Variants in ZNF684 observed in about 807,000 individuals in gnomAD.
The protein encoded by ZNF684 is zinc finger protein 684, also known as hypothetical protein MGC27466.
In ZNF684, 13 loss-of-function variants were observed where a neutral mutation model predicts 12.8. That is an observed-to-expected ratio of 1.02 (90% confidence interval 0.66 to 1.62). The LOEUF (loss-of-function observed/expected upper bound fraction) is 1.62, where lower values mean the gene tolerates loss of function less well. Ranked by LOEUF, ZNF684 falls within the 40% of genes most tolerant of loss-of-function variation. The pLI is 0.00. For missense variants in ZNF684, 384 were observed against 446.9 expected, an observed-to-expected ratio of 0.86 and a Z score of 1.27; for synonymous variants, 118 against 151.8, an observed-to-expected ratio of 0.78 and a Z score of 1.64.
rs568760107 is a variant in ZNF684, at chr1:40,546,226, C to T, written c.239-336C>T. 5.3e-5 allele frequency among the ~76,000 whole-genome samples: 8 copies of T among 152,244 alleles called. No homozygotes were observed. In the South Asian group the frequency reaches 1.0e-3, roughly 20 times the overall value. ...GTGAGCCGCCATGCCTGGCCTATCT[C>T]CTGTGTGTTTGGTTGTCCTATCCAT... On this transcript the variant is annotated intron_variant, in intron 4 of 4. Transcript: ENST00000372699.
At chr1:40,543,655 A>G (rs182550305) in intron 4 of ZNF684, among the ~76,000 whole-genome samples, 177 of 152,010 alleles carry the variant, frequency 1.2e-3, no homozygotes, top group African/African-American at 3.9e-3. Flanking sequence ...ACGGGGTTTC[A>G]CCACGTTAGC....
At chr1:40,534,071 G>T (rs1379949638) in intron 2 of ZNF684, among the ~76,000 whole-genome samples, 2 of 151,360 alleles carry the variant, frequency 1.3e-5, no homozygotes, top group African/African-American at 4.9e-5. Context: ...TGATCTGCCT[G>T]CCTCAGCCTT....
In ZNF684 at chr1:40,547,003, A is replaced by G. The variant is rs1646052655; in HGVS notation, c.680A>G (p.Lys227Arg). ...CNDCGKAFMH[K>R]AQLVVHQRLH... is the part of the protein sequence containing the mutation. ...GATTGTGGGAAGGCGTTTATGCATA[A>G]AGCCCAACTCGTGGTCCACCAGAGA... Residue 227 changes from lysine (K) to arginine (R), a missense_variant, in exon 5 of 5, where the codon AAA becomes AGA. Transcript: ENST00000372699. 1.1e-5 allele frequency: 17 copies of G among 1,613,964 alleles called. No homozygotes were observed. Among genetic ancestry groups the G allele is most frequent in the Non-Finnish European group, 1.4e-5 (16 of 1,179,962 alleles).
chr1:40,541,555 G>A (rs2124510425), intron 3 of ZNF684, 60 bp from the exon 4 acceptor site: 2 of 1,387,336 alleles, frequency 1.4e-6, no homozygotes, highest in South Asian at 1.2e-5. Flanking sequence ...AACCCAAGTT[G>A]TGAGCTGGTT....
At chr1:40,544,290 T>C (rs1274066816) in intron 4 of ZNF684, 1 of 307,838 alleles carries the variant, frequency 3.2e-6, no homozygotes, top group Non-Finnish European at 6.5e-6. Flanking sequence ...AACATGTTCA[T>C]ATTAAAATAT....
At chr1:40,538,796 G>C (rs112950915) in intron 2 of ZNF684, among the ~76,000 whole-genome samples, 68 of 149,874 alleles carry the variant, frequency 4.5e-4, no homozygotes, top group African/African-American at 1.6e-3. Flanking sequence ...GCACTCCAGC[G>C]TGGGTGACAG....
chr1:40,536,395 CAA>C (rs1166958237), intron 2 of ZNF684, among the ~76,000 whole-genome samples: 17 of 52,002 alleles, frequency 3.3e-4, no homozygotes, highest in Admixed American at 5.9e-4. Context: ...CTCCGTCTCA[CAA>C]AAAAAAAAAA....
At chr1:40,535,965 A>G (rs1466680204) in intron 2 of ZNF684, among the ~76,000 whole-genome samples, 2 of 152,250 alleles carry the variant, frequency 1.3e-5, no homozygotes, top group Non-Finnish European at 2.9e-5. Context: ...AGGCCAGTCC[A>G]TGGGTTACAG....
At chr1:40,541,494 T>C in intron 3 of ZNF684, 121 bp from the exon 4 acceptor site, 1 of 736,854 alleles carries the variant, frequency 1.4e-6, no homozygotes, top group Non-Finnish European at 2.3e-6. Flanking sequence ...GGGTCTGTTC[T>C]GTTTTAAAGG....
In ZNF684 at chr1:40,548,031, C is replaced by T. The variant is rs1646059184; in HGVS notation, c.*571C>T. On this transcript the variant is annotated 3_prime_UTR_variant, in exon 5 of 5. Coordinates refer to ENST00000372699, the MANE Select transcript of ZNF684 (RefSeq NM_152373.4). ...ATTAAAATTAATATAAAGATATTTT[C>T]CTATGTATGTAAATACCAGAACAAA... The T allele has an allele frequency of 6.6e-6, 1 of 152,032 alleles. No homozygotes were observed. The highest frequency in any genetic ancestry group is 1.5e-5 in the Non-Finnish European group (1 of 68,038). The allele number at this position is 152,032 out of a possible 1,614,324, so 9.4% of individuals were successfully genotyped here.
At chr1:40,541,192 G>GTT (rs372463471) in intron 3 of ZNF684, 34 of 139,888 alleles carry the variant, frequency 2.4e-4, no homozygotes, top group Admixed American at 6.4e-4. Flanking sequence ...GGTCTGTTCT[G>GTT]TTTTTTTTTT....
chr1:40,533,749 C>A (rs913069978), intron 2 of ZNF684, among the ~76,000 whole-genome samples: 1 of 151,820 alleles, frequency 6.6e-6, no homozygotes, highest in Non-Finnish European at 1.5e-5. Context: ...TGAGCATTTA[C>A]TCTTCTACAT....
chr1:40,538,996 G>A (rs1458001482), intron 2 of ZNF684, among the ~76,000 whole-genome samples: 1 of 152,002 alleles, frequency 6.6e-6, no homozygotes, highest in Non-Finnish European at 1.5e-5. Context: ...AGAGCAGTCT[G>A]GGCAATGTAG....
chr1:40,535,293 T>A (rs943993636), intron 2 of ZNF684, among the ~76,000 whole-genome samples: 2 of 152,208 alleles, frequency 1.3e-5, no homozygotes, highest in African/African-American at 4.8e-5. Context: ...AGTCCCACAG[T>A]ACAGTTGGCC....
chr1:40,541,592 C>G (rs1224682837), intron 3 of ZNF684, 23 bp from the exon 4 acceptor site: 1 of 1,605,396 alleles, frequency 6.2e-7, no homozygotes, highest in African/African-American at 1.3e-5. Context: ...GGCCCCACTT[C>G]TATGCTGTTT....
rs867456287 is a variant in ZNF684 at position 40,546,900 on chromosome 1, G to A, written c.577G>A (p.Gly193Arg). 1.9e-6 allele frequency: 3 copies of A among 1,614,114 alleles called. No homozygotes were observed. Among genetic ancestry groups the A allele is most frequent in the Middle Eastern group, 1.6e-4 (1 of 6,062 alleles). Residue 193 changes from glycine (G) to arginine (R), a missense_variant, in exon 5 of 5, where the codon GGA (glycine) becomes AGA (arginine). Physicochemically the swap from Gly to Arg is moderately radical, Grantham distance 125. Transcript: ENST00000372699. Reference protein sequence around the residue: ...RKKPFECNDCGKAYSRKAHLA... With the variant: ...RKKPFECNDCRKAYSRKAHLA... ...AAAACCTTTTGAATGCAATGACTGT[G>A]GAAAAGCCTATAGCAGGAAGGCACA...
intron 2 of ZNF684, among the ~76,000 whole-genome samples, chr1:40,539,175 G>A (rs779136873): frequency 2.6e-5 from 4 of 151,832 alleles, no homozygotes; most frequent in Admixed American, 6.6e-5. Flanking sequence ...GACTACAGGC[G>A]CATGCCACCA....
At chr1:40,539,537 G>C (rs1029273360) in intron 2 of ZNF684, among the ~76,000 whole-genome samples, 10 of 152,072 alleles carry the variant, frequency 6.6e-5, no homozygotes, top group African/African-American at 2.4e-4. Context: ...AAACGTCGTT[G>C]CTGCACCATT....
chr1:40,545,390 A>G (rs1471351421), intron 4 of ZNF684, among the ~76,000 whole-genome samples: 1 of 152,214 alleles, frequency 6.6e-6, no homozygotes, highest in African/African-American at 2.4e-5. Flanking sequence ...TGTGAATTCA[A>G]GAGCAAAGCA....
Sources: allele counts gnomAD v4.1 joint callset (sites outside exome capture counted in the v4.1 genomes callset), GRCh38; gene constraint gnomAD v4.1.1; transcripts MANE v1.5; gene names NCBI Gene and HGNC (gene_info 2026-07-23, HGNC 2026-07-21).